The following SYT1 variants were observed in gnomAD, a reference collection of about 807,000 sequenced individuals.
The protein encoded by SYT1 is synaptotagmin 1.
In SYT1, 8 loss-of-function variants were observed where a neutral mutation model predicts 44.8. The observed-to-expected ratio is 0.18, with a 90% CI of 0.10 to 0.32. The LOEUF is 0.32. Ranked by LOEUF, SYT1 falls within the 10% of genes least tolerant of loss-of-function variation. The pLI is 1.00. For missense variants in SYT1, 286 were observed against 509.3 expected (o/e 0.56, Z 4.22); for synonymous variants, 154 against 188.8 (o/e 0.82, Z 1.51).
At chr12:78,989,002 A>AGAACC (rs1487575299) in intron 2 of SYT1, among the ~76,000 whole-genome samples, 2 of 152,152 alleles carry the variant, frequency 1.3e-5, no homozygotes, top group Non-Finnish European at 2.9e-5. Flanking sequence ...TTTTTAAAGT[A>AGAACC]GAACCTATAT....
intron 3 of SYT1, among the ~76,000 whole-genome samples, chr12:79,094,104 T>C (rs1038495269): frequency 6.6e-6 from 1 of 151,764 alleles, no homozygotes; most frequent in Non-Finnish European, 1.5e-5. Context: ...TATATCTTAT[T>C]TGGAAATGAT....
At chr12:79,441,758 C>G (rs527828862) in intron 9 of SYT1, among the ~76,000 whole-genome samples, 2 of 152,304 alleles carry the variant, frequency 1.3e-5, no homozygotes, top group South Asian at 4.2e-4. Flanking sequence ...CTCTCTTCCC[C>G]CTGCCTTCAT....
chr12:79,072,623 C>A (rs1876363515), intron 3 of SYT1, among the ~76,000 whole-genome samples: 1 of 152,002 alleles, frequency 6.6e-6, no homozygotes, highest in African/African-American at 2.4e-5. Context: ...CTTACTGTAT[C>A]CAGCAAATTC....
intron 4 of SYT1, among the ~76,000 whole-genome samples, chr12:79,231,657 T>C (rs946286223): frequency 3.3e-5 from 5 of 152,132 alleles, no homozygotes; most frequent in Admixed American, 1.3e-4. Flanking sequence ...TTCAATGCCT[T>C]GAAGGTAAAA....
intron 9 of SYT1, among the ~76,000 whole-genome samples, chr12:79,436,177 A>G (rs1417850013): frequency 1.3e-5 from 2 of 152,198 alleles, no homozygotes; most frequent in Non-Finnish European, 2.9e-5. Context: ...ATTAGCCAGT[A>G]AGTTACCTTT....
intron 1 of SYT1, among the ~76,000 whole-genome samples, chr12:78,938,532 T>C (rs1878185765): frequency 6.6e-6 from 1 of 152,106 alleles, no homozygotes; most frequent in South Asian, 2.1e-4. Flanking sequence ...TGACCCTCCA[T>C]CTATTTGCAC....
intron 3 of SYT1, among the ~76,000 whole-genome samples, chr12:79,061,999 T>C (rs1213325740): frequency 1.3e-5 from 2 of 152,186 alleles, no homozygotes; most frequent in Non-Finnish European, 2.9e-5. Flanking sequence ...AAGAATCCTT[T>C]TATGAGCTTA....
intron 4 of SYT1, among the ~76,000 whole-genome samples, chr12:79,277,223 C>T (rs954165042): frequency 2.6e-5 from 4 of 151,954 alleles, no homozygotes; most frequent in African/African-American, 9.7e-5. Flanking sequence ...GGAAAGAATT[C>T]TAAGAGTAGT....
intron 8 of SYT1, among the ~76,000 whole-genome samples, chr12:79,300,789 T>TTTTATATATATA (rs1490670835): frequency 0.029 from 2,587 of 89,252 alleles, 76 homozygotes; most frequent in East Asian, 0.051. Flanking sequence ...TGTATACTTA[T>TTTTATATATATA]TATATATATA....
chr12:78,924,666 A>G (rs1877203015), intron 1 of SYT1, among the ~76,000 whole-genome samples: 1 of 148,092 alleles, frequency 6.8e-6, no homozygotes, highest in African/African-American at 2.5e-5. Context: ...ATATATTTGT[A>G]TATATTTCTT....
chr12:78,914,685 C>A (rs771012726), intron 1 of SYT1, among the ~76,000 whole-genome samples: 1 of 151,836 alleles, frequency 6.6e-6, no homozygotes. Context: ...GGTTCCTATA[C>A]CTTTTGATGT....
chr12:79,304,750 T>C (rs1026319248), intron 8 of SYT1, among the ~76,000 whole-genome samples: 1 of 152,086 alleles, frequency 6.6e-6, no homozygotes, highest in Admixed American at 6.5e-5. Context: ...AAAATCTAAG[T>C]TTATCATGCC....
intron 3 of SYT1, among the ~76,000 whole-genome samples, chr12:79,097,335 A>G (rs1878193819): frequency 6.6e-6 from 1 of 152,054 alleles, no homozygotes; most frequent in African/African-American, 2.4e-5. Flanking sequence ...TCTGAGGGCT[A>G]TCAGCCATAC....
chr12:79,079,054 C>A (rs1876854396), intron 3 of SYT1, among the ~76,000 whole-genome samples: 1 of 152,164 alleles, frequency 6.6e-6, no homozygotes, highest in Non-Finnish European at 1.5e-5. Context: ...TAGGCTACAA[C>A]CCTGAATCCC....
chr12:79,258,486 G>A (rs1877654034), intron 4 of SYT1, among the ~76,000 whole-genome samples: 1 of 152,170 alleles, frequency 6.6e-6, no homozygotes, highest in African/African-American at 2.4e-5. Flanking sequence ...TTGGTAATTT[G>A]AGTGACAAAT....
chr12:79,419,247 T>C (rs1868947254), intron 9 of SYT1: 1 of 523,772 alleles, frequency 1.9e-6, no homozygotes, highest in South Asian at 1.5e-5. Context: ...TGAGAAAAAA[T>C]GTGAGGTGTA....
chr12:79,403,374 T>A (rs552973962), intron 9 of SYT1, among the ~76,000 whole-genome samples: 22 of 152,272 alleles, frequency 1.4e-4, no homozygotes, highest in African/African-American at 5.3e-4. Context: ...CCCAGTAGAC[T>A]GGAGACCCAG....
intron 1 of SYT1, among the ~76,000 whole-genome samples, chr12:78,961,114 A>AT (rs199817134): frequency 1.1e-3 from 167 of 149,478 alleles, no homozygotes; most frequent in African/African-American, 3.8e-3. Context: ...TTTTTAAGAA[A>AT]TTTTTTTTTT....
intron 3 of SYT1, among the ~76,000 whole-genome samples, chr12:79,135,233 C>T: frequency 1.3e-5 from 2 of 151,576 alleles, no homozygotes; most frequent in South Asian, 2.1e-4. Flanking sequence ...AGGTATATCT[C>T]CTAATGCTAT....
Sources: gnomAD v4.1 joint callset for allele counts (sites outside exome capture counted in the v4.1 genomes callset) on GRCh38, gnomAD v4.1.1 for gene constraint, MANE v1.5 for transcripts, NCBI Gene and HGNC (gene_info 2026-07-23, HGNC 2026-07-21) for gene names.